KCNH8: variants seen among roughly 807,000 people sequenced by gnomAD.
KCNH8 encodes the protein voltage-gated delayed rectifier potassium channel KCNH8.
In KCNH8, 70 loss-of-function variants were observed where a neutral mutation model predicts 103.6. The observed-to-expected ratio is 0.68, with a 90% confidence interval of 0.56 to 0.82. The LOEUF (loss-of-function observed/expected upper bound fraction) is 0.82, where lower values mean the gene tolerates loss of function less well. Among genes scored for constraint, KCNH8 ranks in the 40% least tolerant of loss-of-function variants. The pLI, the probability that KCNH8 is intolerant of heterozygous loss-of-function variation, is 0.00. For synonymous variants in KCNH8, 498 were observed against 489.4 expected (o/e 1.02, Z -0.23); for missense variants, 1,217 against 1,329.9 (o/e 0.92, Z 1.32).
At chr3:19,364,150 C>G (rs1046691736) in intron 5 of KCNH8, among the ~76,000 whole-genome samples, 3 of 152,068 alleles carry the variant, frequency 2.0e-5, no homozygotes, top group East Asian at 3.9e-4. Context: ...GTCAGATTCT[C>G]CCACCTATTC....
intron 2 of KCNH8, among the ~76,000 whole-genome samples, chr3:19,274,361 C>T (rs1041635153): frequency 1.3e-5 from 2 of 152,072 alleles, no homozygotes; most frequent in African/African-American, 4.8e-5. Context: ...TCACTAGGTC[C>T]TTGCTGTGTG....
intron 1 of KCNH8, among the ~76,000 whole-genome samples, chr3:19,164,568 C>A (rs1484843852): frequency 6.6e-6 from 1 of 152,140 alleles, no homozygotes; most frequent in Admixed American, 6.5e-5. Flanking sequence ...AATCTATACA[C>A]ATGGTTTTGA....
intron 1 of KCNH8, among the ~76,000 whole-genome samples, chr3:19,151,629 A>C (rs1384553804): frequency 6.6e-6 from 1 of 152,132 alleles, no homozygotes; most frequent in African/African-American, 2.4e-5. Flanking sequence ...ATAAAACTCT[A>C]TAACATAATC....
At chr3:19,318,661 GTA>G (rs1491418273) in intron 3 of KCNH8, among the ~76,000 whole-genome samples, 6 of 85,248 alleles carry the variant, frequency 7.0e-5, no homozygotes, top group African/African-American at 3.1e-4. Flanking sequence ...GTGTGTGTGT[GTA>G]CACACACACA....
intron 3 of KCNH8, among the ~76,000 whole-genome samples, chr3:19,337,226 T>A (rs1401981923): frequency 6.6e-6 from 1 of 152,070 alleles, no homozygotes; most frequent in East Asian, 1.9e-4. Context: ...TTATGCTTTT[T>A]TTTCCCTTTC....
chr3:19,234,305 G>A (rs1009362144), intron 1 of KCNH8, among the ~76,000 whole-genome samples: 1 of 152,210 alleles, frequency 6.6e-6, no homozygotes, highest in African/African-American at 2.4e-5. Context: ...GCCTTGGGTG[G>A]TCCATGGGAC....
At chr3:19,237,171 G>A (rs544538840) in intron 1 of KCNH8, among the ~76,000 whole-genome samples, 1 of 152,184 alleles carries the variant, frequency 6.6e-6, no homozygotes, top group Non-Finnish European at 1.5e-5. Context: ...GTCACAGGTA[G>A]CATCTGTAGA....
intron 1 of KCNH8, among the ~76,000 whole-genome samples, chr3:19,249,020 C>T (rs1033605518): frequency 7.9e-5 from 12 of 152,086 alleles, no homozygotes; most frequent in Non-Finnish European, 1.2e-4. Flanking sequence ...ACTGTTTACT[C>T]TCACTTTCAA....
chr3:19,307,241 C>A (rs531997263), intron 3 of KCNH8, among the ~76,000 whole-genome samples: 1 of 151,890 alleles, frequency 6.6e-6, no homozygotes, highest in East Asian at 1.9e-4. Flanking sequence ...TATAAATGGG[C>A]AAATGATTTC....
intron 2 of KCNH8, among the ~76,000 whole-genome samples, chr3:19,278,016 T>C (rs1055467414): frequency 6.6e-6 from 1 of 152,126 alleles, no homozygotes; most frequent in Non-Finnish European, 1.5e-5. Flanking sequence ...TTTGTTGCAC[T>C]GGGCCTGAAT....
At position 19,170,870 on chromosome 3, in the gene KCNH8, C is replaced by T. The variant is rs34833350; in HGVS notation, c.76+22075C>T. On this transcript the variant is annotated intron_variant, in intron 1 of 15. Transcript: ENST00000328405. ...TCTCGCCCAGGCTGGAGTGCAGTGG[C>T]GCAAAATATCGGCTCACTGCAAGCT... Among the ~76,000 whole-genome samples the T allele has an allele frequency of 5.0e-3, 722 of 143,018 alleles. 3 individuals carry two copies. Among genetic ancestry groups the T allele is most frequent in the South Asian group, 0.012 (56 of 4,614 alleles). The allele number at this position is 143,018 out of a possible 152,430, so 93.8% of individuals were successfully genotyped here.
intron 11 of KCNH8, among the ~76,000 whole-genome samples, chr3:19,497,749 C>T (rs1312900879): frequency 6.6e-6 from 1 of 152,106 alleles, no homozygotes; most frequent in South Asian, 2.1e-4. Flanking sequence ...AGATACTTGA[C>T]AGATCCATTT....
intron 11 of KCNH8, among the ~76,000 whole-genome samples, chr3:19,496,949 G>C (rs945521913): frequency 6.6e-6 from 1 of 152,000 alleles, no homozygotes; most frequent in African/African-American, 2.4e-5. Flanking sequence ...GAATTTATCA[G>C]GTTCTTCTAG....
chr3:19,170,765 C>CAT (rs1322764924), intron 1 of KCNH8, among the ~76,000 whole-genome samples: 1,794 of 113,720 alleles, frequency 0.016, 181 homozygotes, highest in African/African-American at 0.06. Context: ...TATATACACA[C>CAT]ATATATATAC....
At chr3:19,395,619 G>A (rs2066504530) in intron 7 of KCNH8, among the ~76,000 whole-genome samples, 1 of 151,970 alleles carries the variant, frequency 6.6e-6, no homozygotes, top group South Asian at 2.1e-4. Context: ...ATGTTCCGAT[G>A]CAGGGCTAGT....
intron 2 of KCNH8, among the ~76,000 whole-genome samples, chr3:19,268,808 C>T (rs955451798): frequency 1.3e-5 from 2 of 152,050 alleles, no homozygotes; most frequent in Non-Finnish European, 2.9e-5. Flanking sequence ...CTGATGCTCA[C>T]TAAAGGTTGA....
At chr3:19,193,198 T>C (rs2125211449) in intron 1 of KCNH8, among the ~76,000 whole-genome samples, 1 of 151,836 alleles carries the variant, frequency 6.6e-6, no homozygotes, top group South Asian at 2.1e-4. Context: ...AGTAAACATT[T>C]TCTAATGCCG....
chr3:19,156,156 A>G (rs955736310), intron 1 of KCNH8, among the ~76,000 whole-genome samples: 1 of 152,174 alleles, frequency 6.6e-6, no homozygotes, highest in Non-Finnish European at 1.5e-5. Context: ...CTCTAGTGAT[A>G]ATAGTGTCTA....
chr3:19,342,521 C>G (rs1309624752), intron 3 of KCNH8, 66 bp from the exon 4 acceptor site: 1 of 1,519,864 alleles, frequency 6.6e-7, no homozygotes, highest in Non-Finnish European at 8.9e-7. Flanking sequence ...AGGGAACTGT[C>G]AAAATGACAT....
Sources: allele counts gnomAD v4.1 joint callset (sites outside exome capture counted in the v4.1 genomes callset), GRCh38; gene constraint gnomAD v4.1.1; transcripts MANE v1.5; gene names NCBI Gene and HGNC (gene_info 2026-07-23, HGNC 2026-07-21).